Variants in WWC2 observed in about 807,000 individuals in gnomAD.
The protein encoded by WWC2 is protein WWC2.
Under a neutral mutation model 138.5 loss-of-function variants are expected in WWC2, and 101 were observed. The observed-to-expected ratio is 0.73, with a 90% CI of 0.62 to 0.86. The LOEUF (loss-of-function observed/expected upper bound fraction) is 0.86. WWC2 is among the 40% of genes least tolerant of loss of function. The pLI is 0.00. For synonymous variants in WWC2, 558 were observed against 538.4 expected (o/e 1.04, Z -0.50); for missense variants, 1,420 against 1,419.4 (o/e 1.00, Z -0.01).
intron 21 of WWC2, among the ~76,000 whole-genome samples, chr4:183,299,734 A>G (rs1738762719): frequency 6.6e-6 from 1 of 152,030 alleles, no homozygotes; most frequent in Non-Finnish European, 1.5e-5. Flanking sequence ...ACTCTGCCAC[A>G]CTCACACATT....
At chr4:183,129,185 G>T (rs1214467727) in intron 1 of WWC2, among the ~76,000 whole-genome samples, 1 of 152,194 alleles carries the variant, frequency 6.6e-6, no homozygotes, top group African/African-American at 2.4e-5. Context: ...TAGAGCTAAC[G>T]GCTTAAAGAA....
Position 183,320,085 on chromosome 4 carries a change from T to G in WWC2, c.*4356T>G. The G allele has an allele frequency of 1.2e-6, 2 of 1,614,064 alleles. No homozygotes were observed. Among genetic ancestry groups the G allele is most frequent in the Non-Finnish European group, 1.7e-6 (2 of 1,180,024 alleles). On this transcript the variant is annotated 3_prime_UTR_variant, in exon 23 of 23. Coordinates refer to ENST00000403733, the MANE Select transcript of WWC2 (RefSeq NM_024949.6). ...GGTTTGCCAGAGTCCCATGGTCCAG[T>G]TTTCCATTTCATTTAAGTCCAGGTT... is the stretch of plus-strand genomic sequence containing the variant.
intron 21 of WWC2, among the ~76,000 whole-genome samples, chr4:183,299,539 C>T (rs1353597724): frequency 6.6e-6 from 1 of 152,168 alleles, no homozygotes; most frequent in Admixed American, 6.5e-5. Flanking sequence ...ACTTTTCTCA[C>T]CAGTGAAATT....
intron 1 of WWC2, among the ~76,000 whole-genome samples, chr4:183,164,291 TA>T (rs1248754072): frequency 0.16 from 60 of 364 alleles, 1 homozygote; most frequent in East Asian, 0.49. Flanking sequence ...TATATATATA[TA>T]TATATATACA....
intron 16 of WWC2, among the ~76,000 whole-genome samples, chr4:183,280,088 A>AT (rs1738013777): frequency 6.6e-6 from 1 of 151,912 alleles, no homozygotes; most frequent in Non-Finnish European, 1.5e-5. Flanking sequence ...TCCAGAGAGG[A>AT]TTTTCTATTC....
chr4:183,251,282 C>G (rs1477880194), intron 8 of WWC2, among the ~76,000 whole-genome samples: 2 of 152,208 alleles, frequency 1.3e-5, no homozygotes, highest in Non-Finnish European at 2.9e-5. Context: ...TAGATAGTGC[C>G]TGTGGTCCCC....
intron 5 of WWC2, among the ~76,000 whole-genome samples, chr4:183,243,109 A>G (rs1347542653): frequency 1.3e-5 from 2 of 152,240 alleles, no homozygotes; most frequent in African/African-American, 4.8e-5. Flanking sequence ...AATTTAAATT[A>G]GCAGTCTTGA....
chr4:183,105,661 C>T (rs1743327434), intron 1 of WWC2, among the ~76,000 whole-genome samples: 1 of 152,098 alleles, frequency 6.6e-6, no homozygotes, highest in East Asian at 1.9e-4. Flanking sequence ...GAGGCCAAGG[C>T]GGGTGGATCA....
chr4:183,124,583 C>T (rs1388124447), intron 1 of WWC2, among the ~76,000 whole-genome samples: 1 of 148,758 alleles, frequency 6.7e-6, no homozygotes, highest in Non-Finnish European at 1.5e-5. Context: ...CCACCATGCC[C>T]AGCTTGCAGA....
chr4:183,261,524 G>T lies in WWC2; in HGVS notation c.1901G>T (p.Gly634Val). ...TGTGCTAGGGAGCCATTATATGAAG[G>T]AACTGCAGGTAAATGCAGCCCTTTG... ...NECAREPLYE[G>V]TADVEKSLPK... The change falls in exon 11 of 23, where the codon GGA (glycine) becomes GTA (valine). Residue 634 changes from glycine to valine, a missense_variant. By Grantham distance (109) the Gly-to-Val change is moderately radical (BLOSUM62 -3). Coordinates refer to ENST00000403733, the MANE Select transcript of WWC2 (RefSeq NM_024949.6). 2 of 1,610,606 alleles carry T rather than the reference G, an allele frequency of 1.2e-6. No homozygotes were observed. The highest frequency in any genetic ancestry group is 1.1e-5 in the South Asian group (1 of 90,258).
chr4:183,255,877 C>CTTT (rs551883972), intron 9 of WWC2, among the ~76,000 whole-genome samples: 4 of 140,754 alleles, frequency 2.8e-5, no homozygotes, highest in Admixed American at 7.1e-5. Flanking sequence ...GCTTTTTTTC[C>CTTT]TTTTTTTTTT....
At chr4:183,182,770 G>C (rs531642149) in intron 1 of WWC2, among the ~76,000 whole-genome samples, 3 of 152,150 alleles carry the variant, frequency 2.0e-5, no homozygotes, top group Non-Finnish European at 4.4e-5. Context: ...AGATTTTCTT[G>C]TATCTTGTTC....
intron 16 of WWC2, among the ~76,000 whole-genome samples, chr4:183,279,322 A>C (rs2111398278): frequency 6.6e-6 from 1 of 152,120 alleles, no homozygotes; most frequent in Non-Finnish European, 1.5e-5. Flanking sequence ...CCCAGGGATG[A>C]AGCCCACTTG....
intron 7 of WWC2, 60 bp from the exon 8 acceptor site, chr4:183,249,860 C>G (rs898223141): frequency 6.4e-6 from 9 of 1,400,738 alleles, no homozygotes; most frequent in Admixed American, 5.8e-5. Flanking sequence ...GAAACAAAAG[C>G]AATTTACTTC....
chr4:183,197,060 T>G (rs1735165578), intron 2 of WWC2, among the ~76,000 whole-genome samples: 1 of 152,226 alleles, frequency 6.6e-6, no homozygotes, highest in Admixed American at 6.5e-5. Context: ...ACTCTTAAAA[T>G]GTTAAAAAGA....
At chr4:183,120,206 A>G (rs1300688082) in intron 1 of WWC2, among the ~76,000 whole-genome samples, 1 of 152,218 alleles carries the variant, frequency 6.6e-6, no homozygotes, top group East Asian at 1.9e-4. Flanking sequence ...AGTTATTTAA[A>G]CATTCTCAAT....
intron 21 of WWC2, among the ~76,000 whole-genome samples, chr4:183,292,181 G>A (rs1738475653): frequency 6.6e-6 from 1 of 152,062 alleles, no homozygotes; most frequent in Admixed American, 6.6e-5. Flanking sequence ...AGGTGACAGA[G>A]TGAGACCCTG....
chr4:183,240,267 G>A lies in WWC2; in HGVS notation c.602+5G>A. On this transcript the variant is annotated splice_donor_5th_base_variant and intron_variant, in intron 5 of 22. Transcript: ENST00000403733. ...AGGCTTTGAAACATTGCAGCAGTGA[G>A]TATGAAAAGACTGAATCAACTTTAG... 1 of 1,545,154 alleles carries A rather than the reference G, an allele frequency of 6.5e-7. No homozygotes were observed. Among genetic ancestry groups the A allele is most frequent in the Non-Finnish European group, 8.7e-7 (1 of 1,145,168 alleles).
intron 7 of WWC2, 73 bp from the exon 8 acceptor site, chr4:183,249,847 C>A: frequency 7.8e-7 from 1 of 1,281,806 alleles, no homozygotes; most frequent in Non-Finnish European, 1.1e-6. Context: ...CACATACTTC[C>A]CAGAAACAAA....
Sources: allele counts gnomAD v4.1 joint callset (sites outside exome capture counted in the v4.1 genomes callset), GRCh38; gene constraint gnomAD v4.1.1; transcripts MANE v1.5; gene names NCBI Gene and HGNC (gene_info 2026-07-23, HGNC 2026-07-21).